NARF: variants seen among roughly 807,000 people sequenced by gnomAD.
NARF encodes the protein iron-only hydrogenase-like protein 2.
Under a neutral mutation model 48.0 loss-of-function variants are expected in NARF, and 41 were observed. The ratio of observed to expected loss-of-function variants is 0.85; its 90% CI spans 0.66 to 1.11. The LOEUF is 1.11. Among genes scored for constraint, NARF ranks in the 50% least tolerant of loss-of-function variants. NARF has a pLI of 0.00. For missense variants in NARF, 613 were observed against 590.2 expected (o/e 1.04, Z -0.40); for synonymous variants, 215 against 225.5 (o/e 0.95, Z 0.42).
chr17:82,464,259 A>G (rs2043507536), intron 2 of NARF, 28 bp from the exon 3 acceptor site: 8 of 1,607,288 alleles, frequency 5.0e-6, no homozygotes, highest in Non-Finnish European at 6.8e-6. Context: ...TTTGTTGAAT[A>G]ATCATGCTGA....
intron 3 of NARF, among the ~76,000 whole-genome samples, chr17:82,467,443 G>A (rs2043596638): frequency 1.3e-5 from 2 of 151,880 alleles, no homozygotes. Context: ...TGTAGATGAG[G>A]CTTACTCACA....
At chr17:82,481,913 A>G in intron 7 of NARF, 1 of 325,946 alleles carries the variant, frequency 3.1e-6, no homozygotes, top group South Asian at 2.3e-5. Flanking sequence ...AGTTTTTTTC[A>G]TTCAGAATAA....
At chr17:82,468,929 AACTTGAGTTTATAAG>A (rs2043635125) in intron 4 of NARF, 33 bp downstream of exon 4, 1 of 1,609,368 alleles carries the variant, frequency 6.2e-7, no homozygotes, top group Admixed American at 1.7e-5. Context: ...GGGAATGTAT[AACTTGAGTTTATAAG>A]CGCCCTTTTT....
chr17:82,465,868 G>C (rs2043553835), intron 3 of NARF, among the ~76,000 whole-genome samples: 1 of 152,186 alleles, frequency 6.6e-6, no homozygotes, highest in Non-Finnish European at 1.5e-5. Flanking sequence ...CCATGACCTA[G>C]ATCACAATTG....
At chr17:82,459,110 G>A in intron 1 of NARF, 1 of 1,182,792 alleles carries the variant, frequency 8.5e-7, no homozygotes, top group Non-Finnish European at 1.0e-6. Flanking sequence ...CTCGTGCCGC[G>A]CACCACAGTC....
chr17:82,474,952 C>T (rs2043801321), intron 5 of NARF, among the ~76,000 whole-genome samples: 1 of 152,116 alleles, frequency 6.6e-6, no homozygotes, highest in South Asian at 2.1e-4. Context: ...GAAGTATAAG[C>T]CATTTGACGC....
intron 5 of NARF, among the ~76,000 whole-genome samples, chr17:82,473,935 A>C (rs1197497446): frequency 6.6e-6 from 1 of 152,188 alleles, no homozygotes; most frequent in Admixed American, 6.5e-5. Context: ...CATAATCCCA[A>C]CAATTTAGAA....
At chr17:82,461,144 G>A (rs1415361313) in intron 2 of NARF, 2 of 152,134 alleles carry the variant, frequency 1.3e-5, no homozygotes, top group Non-Finnish European at 2.9e-5. Context: ...GATTGGTCTT[G>A]ACCTCCTGGG....
intron 3 of NARF, among the ~76,000 whole-genome samples, chr17:82,465,598 CAG>C (rs2043546210): frequency 6.6e-6 from 1 of 152,136 alleles, no homozygotes; most frequent in Non-Finnish European, 1.5e-5. Context: ...CTTTGTGAGA[CAG>C]GGCCTCACCC....
intron 7 of NARF, 197 bp from the exon 8 acceptor site, chr17:82,483,519 T>C (rs550763527): frequency 5.4e-5 from 30 of 556,794 alleles, no homozygotes; most frequent in South Asian, 3.7e-4. Flanking sequence ...GGAGTTAGAA[T>C]TGAATTCTGC....
At chr17:82,481,002 A>C in intron 6 of NARF, 80 bp from the exon 7 acceptor site, 1 of 1,579,390 alleles carries the variant, frequency 6.3e-7, no homozygotes, top group African/African-American at 1.4e-5. Context: ...TCGGTCTCCC[A>C]TCCCTCTTGT....
At chr17:82,477,141 T>C (rs1310105894) in intron 5 of NARF, 1 of 152,174 alleles carries the variant, frequency 6.6e-6, no homozygotes. Flanking sequence ...CCTCCCATCT[T>C]AGCCTTCCAA....
Position 82,464,294 on chromosome 17 carries a change from A to C in NARF, c.116A>C (p.Glu39Ala). Residue 39 changes from glutamate to alanine, a missense_variant, in exon 3 of 11, where the codon GAA (glutamate) becomes GCA (alanine). Coordinates refer to ENST00000309794, the MANE Select transcript of NARF (RefSeq NM_012336.4). ...SPAQENGEKGEFHKLADAKIF... is the reference protein window; with the variant it reads ...SPAQENGEKGAFHKLADAKIF... ...AAACGTCATCTTTCATAGAAGGGAG[A>C]ATTCCACAAGTTGGCTGATGCCAAG... The C allele has an allele frequency of 1.2e-6, 2 of 1,612,998 alleles. No homozygotes were observed. Among genetic ancestry groups the C allele is most frequent in the South Asian group, 2.2e-5 (2 of 90,890 alleles).
chr17:82,479,730 G>A (rs2043917408), intron 6 of NARF, among the ~76,000 whole-genome samples: 1 of 152,206 alleles, frequency 6.6e-6, no homozygotes, highest in African/African-American at 2.4e-5. Flanking sequence ...AGCCTAAAAA[G>A]GCACGCACAT....
At chr17:82,458,605 C>A, upstream of NARF, 1 of 629,824 alleles carries the variant, frequency 1.6e-6, no homozygotes, top group Non-Finnish European at 2.4e-6. Context: ...TAGGCAAAGC[C>A]GTAAGGGTGG....
chr17:82,484,940 C>T lies in NARF; in HGVS notation c.961C>T (p.Arg321Ter), dbSNP rs934513328. ...FNEDVEEVTY[R>*]ALRNKDFQEV... Reference sequence around the variant, plus strand: ...CGAGGATGTGGAGGAGGTCACTTACCGAGCCCTGAGGTGTGGGGCAGTATC... The same window carrying T: ...CGAGGATGTGGAGGAGGTCACTTACTGAGCCCTGAGGTGTGGGGCAGTATC... The change falls in exon 9 of 11, where the codon CGA (arginine) becomes TGA (stop). Residue 321 changes from arginine (R) to a stop codon, truncating the protein, a stop_gained. Coordinates refer to ENST00000309794, the MANE Select transcript of NARF (RefSeq NM_012336.4). LOFTEE classifies it high-confidence loss of function. 1.4e-5 allele frequency: 22 copies of T among 1,608,444 alleles called. No homozygotes were observed. Among genetic ancestry groups the T allele is most frequent in the Middle Eastern group, 1.7e-4 (1 of 6,018 alleles).
At chr17:82,464,231 G>A in intron 2 of NARF, 56 bp from the exon 3 acceptor site, 1 of 1,582,652 alleles carries the variant, frequency 6.3e-7, no homozygotes, top group East Asian at 2.2e-5. Flanking sequence ...CCTCTCTAAA[G>A]AAGCACATTA....
intron 10 of NARF, among the ~76,000 whole-genome samples, chr17:82,487,502 G>A (rs909093472): frequency 1.3e-5 from 2 of 151,060 alleles, no homozygotes; most frequent in African/African-American, 4.9e-5. Context: ...AAAAAAAGAA[G>A]AATGAGAGGC....
At position 82,464,431 on chromosome 17, in the gene NARF, G is replaced by A; in HGVS notation, c.252+1G>A. 6.2e-7 allele frequency: 1 copy of A among 1,610,234 alleles called. No homozygotes were observed. Among genetic ancestry groups the A allele is most frequent in the Non-Finnish European group, 8.5e-7 (1 of 1,177,638 alleles). On this transcript the variant is annotated splice_donor_variant, in intron 3 of 10. Coordinates refer to ENST00000309794, the MANE Select transcript of NARF (RefSeq NM_012336.4). LOFTEE classifies it high-confidence loss of function. Reference sequence around the variant, plus strand: ...CTTCCGCGTTCTGAACCTTAACAAGGTAAGGCATTCGGGGCATTTGCTGAT... The same window carrying A: ...CTTCCGCGTTCTGAACCTTAACAAGATAAGGCATTCGGGGCATTTGCTGAT...
Sources: gnomAD v4.1 joint callset for allele counts (sites outside exome capture counted in the v4.1 genomes callset) on GRCh38, gnomAD v4.1.1 for gene constraint, MANE v1.5 for transcripts, NCBI Gene and HGNC (gene_info 2026-07-23, HGNC 2026-07-21) for gene names.